Variants in MID1 observed in about 807,000 individuals in gnomAD.
MID1 encodes E3 ubiquitin-protein ligase Midline-1.
Under a neutral mutation model 40.4 loss-of-function variants are expected in MID1, and 7 were observed. The ratio of observed to expected loss-of-function variants is 0.17; its 90% CI spans 0.10 to 0.33. The LOEUF (loss-of-function observed/expected upper bound fraction) is 0.33, where lower values mean the gene tolerates loss of function less well. Among genes scored for constraint, MID1 ranks in the 10% least tolerant of loss-of-function variants. MID1 has a pLI of 1.00. For synonymous variants in MID1, 229 were observed against 221.2 expected, an observed-to-expected ratio of 1.04 and a Z score of -0.31; for missense variants, 367 against 558.5, an observed-to-expected ratio of 0.66 and a Z score of 3.46.
At chrX:10,535,192 T>C (rs1933198764) in intron 2 of MID1, among the ~76,000 whole-genome samples, 1 of 111,708 alleles carries the variant, frequency 9.0e-6, no homozygotes. Flanking sequence ...AGAGTATAAA[T>C]AACTTCGCCT....
chrX:10,450,695 C>A (rs1167938663), intron 9 of MID1, among the ~76,000 whole-genome samples: 2 of 111,991 alleles, frequency 1.8e-5, no homozygotes, highest in Non-Finnish European at 3.8e-5. Flanking sequence ...AAATTCTGAA[C>A]GTGTTTGAGC....
At position 10,742,488 on chromosome X, in the gene MID1, AC is replaced by A. The variant is rs773025063; in HGVS notation, c.-187+91065del. ...ACCAAGTTAAATCTGCTTTTCTCAA[AC>A]AGCAAAGAAAGACAATTCTCTGCAA... On this transcript the variant is annotated intron_variant, in intron 1 of 10. Transcript: ENST00000380785. Among the ~76,000 whole-genome samples, 8 of 112,388 alleles carry A rather than the reference AC, an allele frequency of 7.1e-5. No individual in the cohort carries two copies. In the South Asian group the frequency reaches 2.6e-3, roughly 37 times the overall value.
chrX:10,619,134 G>A (rs1484044240), intron 1 of MID1, among the ~76,000 whole-genome samples: 4 of 112,000 alleles, frequency 3.6e-5, no homozygotes, highest in Non-Finnish European at 7.5e-5. Flanking sequence ...GAGGGGGCAA[G>A]AAGGCGGAGG....
At chrX:10,818,306 G>C (rs2044153132) in intron 1 of MID1, among the ~76,000 whole-genome samples, 1 of 112,413 alleles carries the variant, frequency 8.9e-6, no homozygotes, top group Non-Finnish European at 1.9e-5. Context: ...TTTTAGTACT[G>C]TTAATTCAAA....
At chrX:10,494,026 T>C (rs1430039952) in intron 4 of MID1, among the ~76,000 whole-genome samples, 1 of 112,162 alleles carries the variant, frequency 8.9e-6, no homozygotes, top group East Asian at 2.8e-4. Flanking sequence ...ATGAAATATA[T>C]CCTGTAAGGA....
intron 1 of MID1, among the ~76,000 whole-genome samples, chrX:10,707,546 A>G (rs1272268438): frequency 8.9e-6 from 1 of 112,441 alleles, no homozygotes; most frequent in Non-Finnish European, 1.9e-5. Flanking sequence ...TCAGATTTAT[A>G]AAATCAGGAT....
chrX:10,784,042 A>C (rs1016981428), intron 1 of MID1, among the ~76,000 whole-genome samples: 2 of 112,208 alleles, frequency 1.8e-5, no homozygotes, highest in Admixed American at 9.5e-5. Flanking sequence ...AGAATAAAAT[A>C]CAATTCATTC....
At chrX:10,811,936 T>C (rs2044105312) in intron 1 of MID1, among the ~76,000 whole-genome samples, 2 of 112,347 alleles carry the variant, frequency 1.8e-5, no homozygotes, top group Admixed American at 9.5e-5. Context: ...ATGTCCATTC[T>C]TTTGATATTT....
intron 1 of MID1, among the ~76,000 whole-genome samples, chrX:10,799,048 G>A (rs2043987289): frequency 9.0e-6 from 1 of 111,283 alleles, no homozygotes; most frequent in Non-Finnish European, 1.9e-5. Flanking sequence ...TCTTATTGGT[G>A]TTATAATCAA....
At chrX:10,470,938 GTAAA>G (rs1929673269) in intron 6 of MID1, among the ~76,000 whole-genome samples, 1 of 112,185 alleles carries the variant, frequency 8.9e-6, no homozygotes, top group Non-Finnish European at 1.9e-5. Context: ...GCCTGTTTTT[GTAAA>G]TAAAGTTTTA....
chrX:10,798,106 G>T (rs1342712325), intron 1 of MID1, among the ~76,000 whole-genome samples: 3 of 112,021 alleles, frequency 2.7e-5, no homozygotes, highest in Admixed American at 1.9e-4. Flanking sequence ...GGGCATTGCT[G>T]ATGGGGCCTT....
intron 1 of MID1, among the ~76,000 whole-genome samples, chrX:10,595,976 A>T (rs12687095): frequency 0.16 from 17,670 of 110,509 alleles, 2,005 homozygotes; most frequent in African/African-American, 0.38. Context: ...AATTTTTTTT[A>T]AAAAAAATTT....
At chrX:10,572,169 A>C (rs193232090) in intron 1 of MID1, among the ~76,000 whole-genome samples, 1,631 of 84,073 alleles carry the variant, frequency 0.019, 8 homozygotes, top group Middle Eastern at 0.046. Context: ...CTCTCTCTCT[A>C]TATATATATG....
At chrX:10,781,373 A>G (rs1488043367) in intron 1 of MID1, among the ~76,000 whole-genome samples, 1 of 111,909 alleles carries the variant, frequency 8.9e-6, no homozygotes, top group Non-Finnish European at 1.9e-5. Context: ...TGAAAATAAT[A>G]TTCTTAAGAT....
At chrX:10,704,977 T>C (rs1191743748) in intron 1 of MID1, among the ~76,000 whole-genome samples, 1 of 110,448 alleles carries the variant, frequency 9.1e-6, no homozygotes, top group Non-Finnish European at 1.9e-5. Context: ...TTGGCCAGGC[T>C]GGTCTTGAAC....
chrX:10,725,887 C>G, intron 1 of MID1, among the ~76,000 whole-genome samples: 1 of 111,847 alleles, frequency 8.9e-6, no homozygotes, highest in Non-Finnish European at 1.9e-5. Context: ...AAAAGAAGAA[C>G]TTGGTGCACA....
chrX:10,750,081 ATT>A (rs1354630752), intron 1 of MID1, among the ~76,000 whole-genome samples: 2 of 107,853 alleles, frequency 1.9e-5, no homozygotes, highest in African/African-American at 6.7e-5. Context: ...CACCCCGGAG[ATT>A]CATATTTCAC....
intron 1 of MID1, among the ~76,000 whole-genome samples, chrX:10,599,274 G>A (rs993347799): frequency 8.9e-6 from 1 of 112,095 alleles, no homozygotes; most frequent in Non-Finnish European, 1.9e-5. Flanking sequence ...TCCAAGTCAA[G>A]CATCCATCTG....
intron 1 of MID1, among the ~76,000 whole-genome samples, chrX:10,693,893 C>T (rs955256003): frequency 1.8e-5 from 2 of 112,008 alleles, no homozygotes; most frequent in Non-Finnish European, 3.8e-5. Context: ...ATGAGACCTA[C>T]GGAATGGGAG....
Sources: gnomAD v4.1 joint callset for allele counts (sites outside exome capture counted in the v4.1 genomes callset) on GRCh38, gnomAD v4.1.1 for gene constraint, MANE v1.5 for transcripts, NCBI Gene and HGNC (gene_info 2026-07-23, HGNC 2026-07-21) for gene names.